TFF2: variants seen among roughly 807,000 people sequenced by gnomAD.
TFF2 encodes the protein spasmolysin.
TFF2 carries 19 observed loss-of-function variants against 16.0 expected under a neutral mutation model. That is an observed-to-expected ratio of 1.19 (90% CI 0.83 to 1.74). The LOEUF (loss-of-function observed/expected upper bound fraction) is 1.74. Among genes scored for constraint, TFF2 ranks in the 40% most tolerant of loss-of-function variants. The pLI, the probability that TFF2 is intolerant of heterozygous loss-of-function variation, is 0.00. For missense variants in TFF2, 168 were observed against 166.8 expected (o/e 1.01, Z -0.04); for synonymous variants, 61 against 65.4 (o/e 0.93, Z 0.32).
rs771116423 is a variant in TFF2 at position 42,350,027 on chromosome 21, G to A, written c.83C>T (p.Pro28Leu). 3.6e-5 allele frequency: 58 copies of A among 1,597,320 alleles called. No individual in the cohort carries two copies. The highest frequency in any genetic ancestry group is 1.2e-4 in the Admixed American group (7 of 58,152). Residue 28 changes from proline to leucine, a missense_variant, in exon 2 of 4, where the codon CCC (proline) becomes CTC (leucine). Pro to Leu is a moderately conservative substitution (Grantham distance 98, BLOSUM62 -3). Coordinates refer to ENST00000291526, the MANE Select transcript of TFF2 (RefSeq NM_005423.5). ...GGGGCTCAGCCTGGAGCACTGGCAG[G>A]GGGCTGTGGAAAGACCCTCAGTCGG... ...CALAGSEKPS[P>L]CQCSRLSPHN...
chr21:42,348,208 C>T (rs1601492013), intron 2 of TFF2, among the ~76,000 whole-genome samples: 3 of 147,266 alleles, frequency 2.0e-5, no homozygotes. Flanking sequence ...CACAGGTGCA[C>T]GACACACACA....
intron 1 of TFF2, 47 bp downstream of exon 1, chr21:42,350,832 T>C: frequency 6.5e-7 from 1 of 1,543,000 alleles, no homozygotes; most frequent in Non-Finnish European, 8.8e-7. Context: ...TTTTTTTCTT[T>C]AAGAGAAATA....
chr21:42,346,987 C>T (rs540919083), intron 3 of TFF2, among the ~76,000 whole-genome samples: 1 of 152,326 alleles, frequency 6.6e-6, no homozygotes, highest in Admixed American at 6.5e-5. Flanking sequence ...GAGAAGTGGA[C>T]CCGTTCACCT....
chr21:42,350,920 A>T lies in TFF2; in HGVS notation c.38T>A (p.Leu13His). 1.2e-6 allele frequency: 2 copies of T among 1,613,916 alleles called. No individual in the cohort carries two copies. Among genetic ancestry groups the T allele is most frequent in the Non-Finnish European group, 1.7e-6 (2 of 1,179,918 alleles). The change falls in exon 1 of 4, where the codon CTC becomes CAC. Residue 13 changes from leucine to histidine, a missense_variant. By Grantham distance (99) the Leu-to-His change is moderately conservative. Coordinates refer to ENST00000291526, the MANE Select transcript of TFF2 (RefSeq NM_005423.5). ...CGCCAGGGCACATAGCCCCAGGACG[A>T]GGAGCGCTGCCAGGAGCTGGGCGTC... ...RRDAQLLAAL[L>H]VLGLCALAGS...
At chr21:42,350,499 C>G (rs779714078) in intron 1 of TFF2, 3 of 210,574 alleles carry the variant, frequency 1.4e-5, no homozygotes, top group Non-Finnish European at 2.8e-5. Flanking sequence ...CACCACTGCA[C>G]TCCTGCCTGG....
chr21:42,346,673 C>T (rs2052070823), intron 3 of TFF2, 127 bp from the exon 4 acceptor site: 3 of 1,096,632 alleles, frequency 2.7e-6, no homozygotes, highest in East Asian at 2.5e-5. Context: ...GCTCCTTTCC[C>T]GGGGAGGGGG....
chr21:42,347,270 G>T lies in TFF2; in HGVS notation c.376+216C>A, dbSNP rs527638292. The stretch of plus-strand genomic sequence containing the variant: ...TGTTTCTAGAGCCATCACAGATGAC[G>T]CAGTGGCAATGCTGGAGGCTATAAA... On this transcript the variant is annotated intron_variant, in intron 3 of 3. Coordinates refer to ENST00000291526, the MANE Select transcript of TFF2 (RefSeq NM_005423.5). Among the ~76,000 whole-genome samples, 4 of 152,370 alleles carry T rather than the reference G, an allele frequency of 2.6e-5. No homozygotes were observed. In the East Asian group the frequency reaches 7.7e-4, roughly 29 times the overall value.
intron 1 of TFF2, 115 bp from the exon 2 acceptor site, chr21:42,350,145 G>T: frequency 7.2e-7 from 1 of 1,398,036 alleles, no homozygotes; most frequent in Non-Finnish European, 9.3e-7. Context: ...GAAACACAAA[G>T]TCTTATCTTG....
intron 1 of TFF2, chr21:42,350,348 G>A (rs943398053): frequency 1.5e-5 from 4 of 260,828 alleles, no homozygotes; most frequent in African/African-American, 6.8e-5. Context: ...GCAACATGTC[G>A]AAACCCCATC....
intron 3 of TFF2, among the ~76,000 whole-genome samples, chr21:42,347,171 C>T (rs1021397750): frequency 1.3e-5 from 2 of 152,236 alleles, no homozygotes; most frequent in Admixed American, 6.5e-5. Context: ...CCTCCAAATG[C>T]AGATGGGCTT....
chr21:42,348,180 C>G (rs1325950329), intron 2 of TFF2, among the ~76,000 whole-genome samples: 1 of 152,036 alleles, frequency 6.6e-6, no homozygotes, highest in South Asian at 2.1e-4. Flanking sequence ...CTCCAGAGGA[C>G]GTGCCTGGTT....
chr21:42,347,402 T>C lies in TFF2; in HGVS notation c.376+84A>G. 8 of 1,576,278 alleles carry C rather than the reference T, an allele frequency of 5.1e-6. No individual in the cohort carries two copies. In the South Asian group the frequency reaches 6.9e-5, roughly 14 times the overall value. ...GATGGCACTGAGGCTGCGAGGCAGC[T>C]CCCCTCCCTGCACCCCACCTCTACG... On this transcript the variant is annotated intron_variant, in intron 3 of 3. Coordinates refer to ENST00000291526, the MANE Select transcript of TFF2 (RefSeq NM_005423.5).
intron 1 of TFF2, 94 bp from the exon 2 acceptor site, chr21:42,350,124 T>C: frequency 6.9e-7 from 1 of 1,449,148 alleles, no homozygotes; most frequent in South Asian, 1.4e-5. Flanking sequence ...ACTGTCTTGT[T>C]GCCACATAGA....
At chr21:42,347,341 C>T in intron 3 of TFF2, 145 bp downstream of exon 3, 1 of 1,060,016 alleles carries the variant, frequency 9.4e-7, no homozygotes, top group Admixed American at 2.3e-5. Context: ...CTGGAATTGC[C>T]TTCAGAATCC....
In TFF2 at chr21:42,346,499, G is replaced by A; in HGVS notation, c.*34C>T. 1 of 1,612,944 alleles carries A rather than the reference G, an allele frequency of 6.2e-7. No homozygotes were observed. Among genetic ancestry groups the A allele is most frequent in the Non-Finnish European group, 8.5e-7 (1 of 1,179,622 alleles). ...TTCTTCTTTGGTTTCGGAACACCCG[G>A]TGAGCCAGATGCATCCTCTGGAACC... On this transcript the variant is annotated 3_prime_UTR_variant, in exon 4 of 4. Transcript: ENST00000291526.
chr21:42,348,449 T>TA (rs1568859304), intron 2 of TFF2, among the ~76,000 whole-genome samples: 52 of 152,166 alleles, frequency 3.4e-4, no homozygotes, highest in African/African-American at 1.3e-3. Flanking sequence ...ATATATATAT[T>TA]TTTTTCTCAA....
rs1484596112 is a variant in TFF2, at chr21:42,349,888, T to TA, written c.221_222insT (p.Gln76AlafsTer39). On this transcript the variant is annotated frameshift_variant, in exon 2 of 4. Transcript: ENST00000291526. LOFTEE classifies it high-confidence loss of function. ...GATTCCCTGGAAGATTACCTTGCTTTGGGAGGGGGTGGAAACACCAGGGGA... is the reference window on the plus strand; with the variant it reads ...GATTCCCTGGAAGATTACCTTGCTTTAGGGAGGGGGTGGAAACACCAGGGGA... The TA allele has an allele frequency of 1.3e-6, 2 of 1,595,756 alleles. No individual in the cohort carries two copies. Among genetic ancestry groups the TA allele is most frequent in the African/African-American group, 2.7e-5 (2 of 74,650 alleles).
chr21:42,350,369 A>G (rs1427425265), intron 1 of TFF2: 1 of 220,038 alleles, frequency 4.5e-6, no homozygotes, highest in East Asian at 1.3e-4. Flanking sequence ...TCTACAAACA[A>G]TACAAAAAAA....
Position 42,347,614 on chromosome 21 carries a change from A to G in TFF2, c.248T>C (p.Met83Thr), listed in dbSNP as rs188003858. The G allele has an allele frequency of 9.2e-5, 148 of 1,614,110 alleles. 1 individual carries two copies. The East Asian group carries it at 2.6e-3, about 28-fold the overall frequency. Reference protein sequence around the residue: ...LPKQESDQCVMEVSDRRNCGY... With the variant: ...LPKQESDQCVTEVSDRRNCGY... Reference sequence around the variant, plus strand: ...ACAGTTTCTTCGGTCTGAGACCTCCATGACGCACTGATCCGACTCTGCCAT... The same window carrying G: ...ACAGTTTCTTCGGTCTGAGACCTCCGTGACGCACTGATCCGACTCTGCCAT... Residue 83 changes from methionine to threonine, a missense_variant, in exon 3 of 4, where the codon ATG (methionine) becomes ACG (threonine). By Grantham distance (81) the Met-to-Thr change is moderately conservative. Coordinates refer to ENST00000291526, the MANE Select transcript of TFF2 (RefSeq NM_005423.5).
Sources: allele counts gnomAD v4.1 joint callset (sites outside exome capture counted in the v4.1 genomes callset), GRCh38; gene constraint gnomAD v4.1.1; transcripts MANE v1.5; gene names NCBI Gene and HGNC (gene_info 2026-07-23, HGNC 2026-07-21).